KCNMB3: variants seen among roughly 807,000 people sequenced by gnomAD.
KCNMB3 encodes the protein potassium calcium-activated channel subfamily M regulatory beta subunit 3, also known as calcium-activated potassium channel subunit beta-3.
KCNMB3 carries 18 observed loss-of-function variants against 11.9 expected under a neutral mutation model. That is an observed-to-expected ratio of 1.51 (90% confidence interval 1.04 to 2.23). The LOEUF is 2.23. Ranked by LOEUF, KCNMB3 falls within the 30% of genes most tolerant of loss-of-function variation. The pLI is 0.00. For synonymous variants in KCNMB3, 78 were observed against 119.2 expected, an observed-to-expected ratio of 0.65 and a Z score of 2.25; for missense variants, 247 against 329.4, an observed-to-expected ratio of 0.75 and a Z score of 1.94.
intron 1 of KCNMB3, chr3:179,259,021 A>C: frequency 6.2e-7 from 1 of 1,614,158 alleles, no homozygotes; most frequent in Non-Finnish European, 8.5e-7. Flanking sequence ...GCCTCAGCTT[A>C]GGACATGGTA....
At chr3:179,253,321 A>T (rs572662890), upstream of KCNMB3, among the ~76,000 whole-genome samples, 17 of 152,358 alleles carry the variant, frequency 1.1e-4, no homozygotes, top group Middle Eastern at 6.8e-3. Flanking sequence ...AAACCGGCAT[A>T]ACCCGATTCT....
intron 1 of KCNMB3, among the ~76,000 whole-genome samples, chr3:179,263,441 C>A (rs1423669167): frequency 6.6e-6 from 1 of 152,256 alleles, no homozygotes; most frequent in African/African-American, 2.4e-5. Context: ...TTGGCCAGCC[C>A]AGAAAGGGGC....
chr3:179,242,869 C>T lies in KCNMB3; in HGVS notation c.*35G>A, dbSNP rs1725499096. On this transcript the variant is annotated 3_prime_UTR_variant, in exon 3 of 3. Coordinates refer to ENST00000392685, the MANE Select transcript of KCNMB3 (RefSeq NM_171830.2). The stretch of plus-strand genomic sequence containing the variant: ...GGTCCTCAGTTGCAGAAATCACAGA[C>T]ATCTGAAGGCCAGCACTTTAATTTG... 1 of 1,545,016 alleles carries T rather than the reference C, an allele frequency of 6.5e-7. No homozygotes were observed. The highest frequency in any genetic ancestry group is 1.3e-5 in the South Asian group (1 of 76,932).
intron 1 of KCNMB3, chr3:179,266,568 A>G: frequency 6.5e-7 from 1 of 1,539,528 alleles, no homozygotes; most frequent in Admixed American, 1.7e-5. Flanking sequence ...CTCACTCCCC[A>G]AGCTCGAGAT....
chr3:179,241,902 G>C (rs1725470263), downstream of KCNMB3: 2 of 154,160 alleles, frequency 1.3e-5, no homozygotes, highest in South Asian at 4.1e-4. Context: ...TTAAAATCCA[G>C]TATAGCTTCT....
chr3:179,261,759 G>A (rs1293606409), intron 1 of KCNMB3, among the ~76,000 whole-genome samples: 1 of 152,160 alleles, frequency 6.6e-6, no homozygotes, highest in African/African-American at 2.4e-5. Flanking sequence ...CAATCATGAG[G>A]GTAAATAGCT....
chr3:179,240,120 G>A, downstream of KCNMB3: 1 of 1,209,214 alleles, frequency 8.3e-7, no homozygotes, highest in South Asian at 1.4e-5. Context: ...AATCCTTAGT[G>A]TACTACATAA....
chr3:179,261,229 C>A, intron 1 of KCNMB3: 1 of 1,362,622 alleles, frequency 7.3e-7, no homozygotes, highest in South Asian at 1.5e-5. Flanking sequence ...CTTCCGCGCT[C>A]AAACAGTAGA....
At chr3:179,263,046 G>A (rs1726270276) in intron 1 of KCNMB3, among the ~76,000 whole-genome samples, 1 of 152,238 alleles carries the variant, frequency 6.6e-6, no homozygotes, top group South Asian at 2.1e-4. Flanking sequence ...TCCTGTGCGT[G>A]TGCCCGCACT....
At chr3:179,256,371 G>A (rs1238256808), upstream of KCNMB3, among the ~76,000 whole-genome samples, 1 of 152,100 alleles carries the variant, frequency 6.6e-6, no homozygotes, top group Admixed American at 6.5e-5. Context: ...AGGAGGCAGA[G>A]GTTGCAGTAA....
At chr3:179,251,474 C>A, upstream of KCNMB3, 1 of 1,398,360 alleles carries the variant, frequency 7.2e-7, no homozygotes, top group South Asian at 1.8e-5. Context: ...GTTGTCATGG[C>A]TTCTTTGCTC....
intron 1 of KCNMB3, among the ~76,000 whole-genome samples, chr3:179,248,077 T>G (rs77482668): frequency 2.0e-5 from 3 of 151,802 alleles, no homozygotes; most frequent in African/African-American, 7.2e-5. Flanking sequence ...GCCCCTCCCC[T>G]TCCCTAATCA....
chr3:179,265,122 T>C (rs1373935258), intron 1 of KCNMB3, among the ~76,000 whole-genome samples: 1 of 152,356 alleles, frequency 6.6e-6, no homozygotes, highest in East Asian at 1.9e-4. Context: ...GTTTGTCATT[T>C]GATCTTTTGC....
intron 1 of KCNMB3, among the ~76,000 whole-genome samples, chr3:179,263,668 A>G (rs1220511661): frequency 6.6e-6 from 1 of 152,170 alleles, no homozygotes; most frequent in Non-Finnish European, 1.5e-5. Flanking sequence ...TGTACAGAAG[A>G]GAACAAAAAC....
chr3:179,251,317 T>A (rs1725836332), upstream of KCNMB3: 2 of 1,442,960 alleles, frequency 1.4e-6, no homozygotes, highest in Non-Finnish European at 9.0e-7. Context: ...GAATTCCACA[T>A]GGAAAGAATG....
intron 1 of KCNMB3, among the ~76,000 whole-genome samples, chr3:179,266,488 G>C (rs747366178): frequency 1.3e-5 from 2 of 152,212 alleles, no homozygotes; most frequent in Non-Finnish European, 2.9e-5. Context: ...TGATGTGAGT[G>C]CTACTGGGGA....
upstream of KCNMB3, among the ~76,000 whole-genome samples, chr3:179,256,042 G>A (rs1726000150): frequency 6.6e-6 from 1 of 152,102 alleles, no homozygotes; most frequent in South Asian, 2.1e-4. Context: ...GAAGGAAAAG[G>A]GTCAAGTATT....
At chr3:179,265,990 C>T (rs1229961881) in intron 1 of KCNMB3, among the ~76,000 whole-genome samples, 3 of 152,150 alleles carry the variant, frequency 2.0e-5, no homozygotes, top group Admixed American at 6.5e-5. Flanking sequence ...ATAACAATAG[C>T]TAAAAGGCTA....
chr3:179,259,063 C>T (rs1156841447), intron 1 of KCNMB3: 1 of 1,611,112 alleles, frequency 6.2e-7, no homozygotes, highest in African/African-American at 1.3e-5. Context: ...TTCTCGTTCC[C>T]TCCTCTGGTA....
Sources: allele counts gnomAD v4.1 joint callset (sites outside exome capture counted in the v4.1 genomes callset), GRCh38; gene constraint gnomAD v4.1.1; transcripts MANE v1.5; gene names NCBI Gene and HGNC (gene_info 2026-07-23, HGNC 2026-07-21).